LYST: variants seen among roughly 807,000 people sequenced by gnomAD.
The protein encoded by LYST is lysosomal trafficking regulator.
In LYST, 192 loss-of-function variants were observed where a neutral mutation model predicts 413.6. The ratio of observed to expected loss-of-function variants is 0.46; its 90% confidence interval spans 0.41 to 0.52. The LOEUF (loss-of-function observed/expected upper bound fraction) is 0.52, where lower values mean the gene tolerates loss of function less well. Among genes scored for constraint, LYST ranks in the 20% least tolerant of loss-of-function variants. The pLI, the probability that LYST is intolerant of heterozygous loss-of-function variation, is 0.00. For missense variants in LYST, 3,815 were observed against 4,499.9 expected, an observed-to-expected ratio of 0.85 and a Z score of 4.35; for synonymous variants, 1,525 against 1,567.3, an observed-to-expected ratio of 0.97 and a Z score of 0.64.
At chr1:235,736,334 G>A (rs1340682963) in intron 31 of LYST, 1 of 152,140 alleles carries the variant, frequency 6.6e-6, no homozygotes. Context: ...GAAGAGTTCT[G>A]AGTAGACTAC....
intron 41 of LYST, 68 bp downstream of exon 41, chr1:235,716,643 TA>T: frequency 2.1e-6 from 2 of 974,096 alleles, no homozygotes; most frequent in South Asian, 1.4e-5. Flanking sequence ...TAAAATTAGG[TA>T]AAACACAAGT....
intron 44 of LYST, among the ~76,000 whole-genome samples, chr1:235,705,714 T>C (rs1453940976): frequency 6.6e-6 from 1 of 151,622 alleles, no homozygotes; most frequent in Non-Finnish European, 1.5e-5. Context: ...AAATTTTATA[T>C]AAGAATAACT....
chr1:235,831,567 G>A (rs3820555), intron 2 of LYST, among the ~76,000 whole-genome samples: 67,258 of 151,608 alleles, frequency 0.44, 16,113 homozygotes, highest in African/African-American at 0.61. Context: ...TGAAAGGGAA[G>A]TACCAGAGAA....
upstream of LYST, among the ~76,000 whole-genome samples, chr1:235,867,096 G>A (rs1294884728): frequency 1.3e-5 from 2 of 152,190 alleles, no homozygotes; most frequent in East Asian, 1.9e-4. Context: ...GGCGTGACGC[G>A]TGGAACTGCC....
At chr1:235,781,476 T>C (rs947995082) in intron 15 of LYST, among the ~76,000 whole-genome samples, 1 of 152,048 alleles carries the variant, frequency 6.6e-6, no homozygotes, top group African/African-American at 2.4e-5. Flanking sequence ...ATGTGTGAGG[T>C]TTAAGGACAT....
chr1:235,723,460 C>A (rs1203600270), intron 39 of LYST, among the ~76,000 whole-genome samples: 1 of 152,240 alleles, frequency 6.6e-6, no homozygotes, highest in African/African-American at 2.4e-5. Flanking sequence ...GAAGCAATGG[C>A]TGGTAAGGTA....
At chr1:235,818,071 A>AT (rs1674369253) in intron 3 of LYST, among the ~76,000 whole-genome samples, 1 of 151,984 alleles carries the variant, frequency 6.6e-6, no homozygotes, top group Non-Finnish European at 1.5e-5. Flanking sequence ...TTTCATGATT[A>AT]TTTTTGTCAC....
chr1:235,877,424 G>A (rs902248572), intron 1 of LYST, among the ~76,000 whole-genome samples: 1 of 152,084 alleles, frequency 6.6e-6, no homozygotes, highest in Admixed American at 6.5e-5. Context: ...TGTTGTTTTT[G>A]GAGACGGGGT....
chr1:235,830,173 A>T (rs1017210180), intron 3 of LYST, 53 bp downstream of exon 3: 2 of 1,339,368 alleles, frequency 1.5e-6, no homozygotes, highest in Non-Finnish European at 2.1e-6. Flanking sequence ...CCATGTAGCT[A>T]CAGTTAACTA....
At chr1:235,722,456 A>T (rs1663462797) in intron 39 of LYST, among the ~76,000 whole-genome samples, 1 of 152,152 alleles carries the variant, frequency 6.6e-6, no homozygotes, top group South Asian at 2.1e-4. Flanking sequence ...TTGTAGCTGA[A>T]AGTCACTACA....
intron 22 of LYST, among the ~76,000 whole-genome samples, chr1:235,761,783 A>C (rs1320144891): frequency 6.6e-6 from 1 of 151,766 alleles, no homozygotes; most frequent in Admixed American, 6.6e-5. Context: ...AACAAAAAAA[A>C]ACCAGAAAGA....
Position 235,766,137 on chromosome 1 carries a change from A to C in LYST, c.6063T>G (p.Pro2021=), listed in dbSNP as rs751439794. 3.7e-6 allele frequency: 6 copies of C among 1,613,300 alleles called. No individual in the cohort carries two copies. The East Asian group carries it at 1.3e-4, about 36-fold the overall frequency. ...TGTGACAAACGTAAGTATTAGTAGG[A>C]GGGTGAACTGCTAAAAGGAAATTGA... ...IIFNFLLAVH[P]PTNTYVCHNP... The change falls in exon 21 of 53, where the codon CCT becomes CCG. Residue 2021 remains proline, a synonymous_variant. Transcript: ENST00000389793.
intron 45 of LYST, among the ~76,000 whole-genome samples, chr1:235,698,392 G>A (rs1004930684): frequency 3.9e-5 from 6 of 152,140 alleles, no homozygotes; most frequent in African/African-American, 1.4e-4. Context: ...AGACTATTTA[G>A]GGGACATGTT....
intron 50 of LYST, among the ~76,000 whole-genome samples, chr1:235,673,078 C>T (rs1246890577): frequency 6.6e-6 from 1 of 152,120 alleles, no homozygotes; most frequent in East Asian, 1.9e-4. Context: ...ACAACTGAAA[C>T]AGTAATCCAA....
intron 50 of LYST, among the ~76,000 whole-genome samples, chr1:235,669,454 T>G (rs1036322315): frequency 1.3e-5 from 2 of 152,270 alleles, no homozygotes; most frequent in African/African-American, 4.8e-5. Flanking sequence ...ATTGGCTGTC[T>G]GCAACCAATC....
At chr1:235,833,933 ACAAGTTAACTGCAAAGGAG>A (rs1425227744) in intron 1 of LYST, among the ~76,000 whole-genome samples, 3 of 152,172 alleles carry the variant, frequency 2.0e-5, no homozygotes, top group African/African-American at 7.2e-5. Context: ...CAGGTAAATC[ACAAGTTAACTGCAAAGGAG>A]AATTAGACCA....
intron 24 of LYST, among the ~76,000 whole-genome samples, chr1:235,756,558 A>G (rs1210385766): frequency 6.6e-6 from 1 of 152,170 alleles, no homozygotes; most frequent in Non-Finnish European, 1.5e-5. Context: ...ATTAAACAAT[A>G]CCTACATCCA....
intron 19 of LYST, among the ~76,000 whole-genome samples, chr1:235,771,533 A>G (rs1211237406): frequency 6.6e-6 from 1 of 152,124 alleles, no homozygotes; most frequent in Admixed American, 6.5e-5. Context: ...ATTTGTTTAC[A>G]TATGCTATCC....
Position 235,876,485 on chromosome 1 carries a change from C to T in LYST, n.454+6702G>A, listed in dbSNP as rs142181377. Among the ~76,000 whole-genome samples the T allele has an allele frequency of 4.7e-3, 713 of 152,236 alleles. 3 individuals carry two copies. The highest frequency in any genetic ancestry group is 7.3e-3 in the Non-Finnish European group (497 of 68,002). ...TTGCTCAATTAATTTTTTGGATAAA[C>T]GAGGAAGCTGATGACACAGAAGAAT... On this transcript the variant is annotated intron_variant and non_coding_transcript_variant, in intron 1 of 11. Coordinates refer to the LYST transcript ENST00000465349.
Sources: gnomAD v4.1 joint callset for allele counts (sites outside exome capture counted in the v4.1 genomes callset) on GRCh38, gnomAD v4.1.1 for gene constraint, MANE v1.5 for transcripts, NCBI Gene and HGNC (gene_info 2026-07-23, HGNC 2026-07-21) for gene names.